Variants in EFNA5 observed in about 807,000 individuals in gnomAD.
The protein encoded by EFNA5 is ephrin-A5.
In EFNA5, 5 loss-of-function variants were observed where a neutral mutation model predicts 22.9. The ratio of observed to expected loss-of-function variants is 0.22; its 90% CI spans 0.11 to 0.46. The LOEUF is 0.46. Ranked by LOEUF, EFNA5 falls within the 20% of genes least tolerant of loss-of-function variation. The pLI is 0.99. For synonymous variants in EFNA5, 113 were observed against 112.2 expected (o/e 1.01, Z -0.04); for missense variants, 237 against 293.3 (o/e 0.81, Z 1.40).
At chr5:107,493,805 T>C (rs563993943) in intron 1 of EFNA5, among the ~76,000 whole-genome samples, 5 of 152,326 alleles carry the variant, frequency 3.3e-5, no homozygotes, top group African/African-American at 9.6e-5. Flanking sequence ...GTATTGAACA[T>C]TGGCACAGTC....
chr5:107,605,119 C>T (rs190063786), intron 1 of EFNA5, among the ~76,000 whole-genome samples: 78 of 150,406 alleles, frequency 5.2e-4, no homozygotes, highest in African/African-American at 1.9e-3. Flanking sequence ...AAATTAGGTG[C>T]CGCTGCAAGA....
chr5:107,657,312 G>T (rs1161902108), intron 1 of EFNA5, among the ~76,000 whole-genome samples: 2 of 152,032 alleles, frequency 1.3e-5, no homozygotes, highest in Non-Finnish European at 2.9e-5. Context: ...ATATAGCATA[G>T]TTCTTTTTTA....
chr5:107,490,306 G>A (rs1342506963), intron 1 of EFNA5, among the ~76,000 whole-genome samples: 1 of 152,000 alleles, frequency 6.6e-6, no homozygotes, highest in Admixed American at 6.6e-5. Flanking sequence ...ATGGTGCCCA[G>A]GTTAGACTCC....
chr5:107,582,254 T>C (rs1308211438), intron 1 of EFNA5, among the ~76,000 whole-genome samples: 1 of 152,220 alleles, frequency 6.6e-6, no homozygotes, highest in African/African-American at 2.4e-5. Flanking sequence ...CAGACTGGAA[T>C]ATAACAGGTA....
intron 4 of EFNA5, among the ~76,000 whole-genome samples, chr5:107,384,301 T>C (rs1291543632): frequency 6.6e-6 from 1 of 152,064 alleles, no homozygotes; most frequent in African/African-American, 2.4e-5. Flanking sequence ...TTCCACAACA[T>C]GGGGGTTTCA....
chr5:107,549,684 G>C (rs953928663), intron 1 of EFNA5, among the ~76,000 whole-genome samples: 1 of 152,242 alleles, frequency 6.6e-6, no homozygotes, highest in Non-Finnish European at 1.5e-5. Context: ...TGGTAAGAGG[G>C]AAGGGAGAAG....
intron 1 of EFNA5, among the ~76,000 whole-genome samples, chr5:107,559,696 C>CA (rs1423170352): frequency 1.3e-5 from 2 of 152,160 alleles, no homozygotes; most frequent in Non-Finnish European, 2.9e-5. Flanking sequence ...GAAAGTCATT[C>CA]ATCACATCTC....
intron 1 of EFNA5, among the ~76,000 whole-genome samples, chr5:107,636,921 G>A (rs992781610): frequency 6.6e-6 from 1 of 152,184 alleles, no homozygotes; most frequent in Non-Finnish European, 1.5e-5. Flanking sequence ...ATATTTCAGA[G>A]CAAAGCAAGC....
At chr5:107,604,879 G>C (rs1749679294) in intron 1 of EFNA5, among the ~76,000 whole-genome samples, 1 of 152,076 alleles carries the variant, frequency 6.6e-6, no homozygotes, top group African/African-American at 2.4e-5. Context: ...TTAATTGCGG[G>C]ATGTTTTCAT....
chr5:107,557,469 T>A (rs1216830894), intron 1 of EFNA5, among the ~76,000 whole-genome samples: 1 of 152,210 alleles, frequency 6.6e-6, no homozygotes, highest in Non-Finnish European at 1.5e-5. Flanking sequence ...GAGTTGAGGG[T>A]TGACAGGAAT....
chr5:107,545,790 T>C (rs1024912496), intron 1 of EFNA5, among the ~76,000 whole-genome samples: 2 of 152,184 alleles, frequency 1.3e-5, no homozygotes, highest in African/African-American at 2.4e-5. Flanking sequence ...ACAGGCCTTT[T>C]GCACAGACCA....
At chr5:107,387,858 T>G in intron 2 of EFNA5, 87 bp from the exon 3 acceptor site, 1 of 964,094 alleles carries the variant, frequency 1.0e-6, no homozygotes, top group East Asian at 2.5e-5. Context: ...TGATGAACAA[T>G]AAATTCTTTC....
intron 1 of EFNA5, among the ~76,000 whole-genome samples, chr5:107,560,504 T>C (rs76825247): frequency 2.0e-5 from 3 of 152,320 alleles, no homozygotes; most frequent in Non-Finnish European, 4.4e-5. Flanking sequence ...TACCCACTTG[T>C]CCTTCTTTCC....
chr5:107,470,742 G>A lies in EFNA5; in HGVS notation c.126-43233C>T, dbSNP rs554597900. Among the ~76,000 whole-genome samples, 4 of 152,124 alleles carry A rather than the reference G, an allele frequency of 2.6e-5. No homozygotes were observed. The South Asian group carries it at 8.3e-4, about 32-fold the overall frequency. ...TTTTGAAATTTCACTTCTCTATTCT[G>A]TACTTTGTGGTGGACATGTCCACAA... is the stretch of plus-strand genomic sequence containing the variant. On this transcript the variant is annotated intron_variant, in intron 1 of 4. Transcript: ENST00000333274.
chr5:107,409,395 A>C (rs1253135160), intron 2 of EFNA5, among the ~76,000 whole-genome samples: 1 of 152,210 alleles, frequency 6.6e-6, no homozygotes, highest in African/African-American at 2.4e-5. Flanking sequence ...TGCAGCAGGA[A>C]CAATGCTCTC....
chr5:107,535,459 T>A lies in EFNA5; in HGVS notation c.126-107950A>T, dbSNP rs538829311. On this transcript the variant is annotated intron_variant, in intron 1 of 4. Transcript: ENST00000333274. ...ATCTAAAGAACAATGCAGAAAAACATAGAGTCAAAAATAAAACAAAAATTT... is the reference window on the plus strand; with the variant it reads ...ATCTAAAGAACAATGCAGAAAAACAAAGAGTCAAAAATAAAACAAAAATTT... Among the ~76,000 whole-genome samples the A allele has an allele frequency of 2.1e-4, 32 of 152,124 alleles. No homozygotes were observed. The South Asian group carries it at 5.8e-3, about 28-fold the overall frequency.
intron 1 of EFNA5, among the ~76,000 whole-genome samples, chr5:107,494,416 G>A (rs1260482150): frequency 1.3e-5 from 2 of 152,230 alleles, no homozygotes; most frequent in African/African-American, 2.4e-5. Flanking sequence ...TGTACTGGGT[G>A]CCCCAGCAGC....
At chr5:107,669,620 C>A (rs1751144710) in intron 1 of EFNA5, among the ~76,000 whole-genome samples, 1 of 152,160 alleles carries the variant, frequency 6.6e-6, no homozygotes, top group Non-Finnish European at 1.5e-5. Context: ...CCCCCGGCGC[C>A]CACCTCTAGT....
At chr5:107,607,622 C>T (rs1749751322) in intron 1 of EFNA5, among the ~76,000 whole-genome samples, 1 of 152,144 alleles carries the variant, frequency 6.6e-6, no homozygotes, top group Admixed American at 6.5e-5. Context: ...TATTTGGTAG[C>T]TGAACTTGTA....
Sources: allele counts gnomAD v4.1 joint callset (sites outside exome capture counted in the v4.1 genomes callset), GRCh38; gene constraint gnomAD v4.1.1; transcripts MANE v1.5; gene names NCBI Gene and HGNC (gene_info 2026-07-23, HGNC 2026-07-21).